RIMS1: variants seen among roughly 807,000 people sequenced by gnomAD.
The protein encoded by RIMS1 is regulating synaptic membrane exocytosis 1.
RIMS1 carries 83 observed loss-of-function variants against 214.1 expected under a neutral mutation model. The ratio of observed to expected loss-of-function variants is 0.39; its 90% CI spans 0.32 to 0.47. The LOEUF is 0.47. Among genes scored for constraint, RIMS1 ranks in the 20% least tolerant of loss-of-function variants. The pLI, the probability that RIMS1 is intolerant of heterozygous loss-of-function variation, is 0.99. For missense variants in RIMS1, 2,050 were observed against 2,161.8 expected, an observed-to-expected ratio of 0.95 and a Z score of 1.03; for synonymous variants, 793 against 786.8, an observed-to-expected ratio of 1.01 and a Z score of -0.13.
Position 72,223,947 on chromosome 6 carries a change from CA to C in RIMS1, c.1679-9808del, listed in dbSNP as rs34645921. 1.6e-3 allele frequency among the ~76,000 whole-genome samples: 165 copies of C among 105,928 alleles called. 1 individual carries two copies. Among genetic ancestry groups the C allele is most frequent in the Middle Eastern group, 4.5e-3 (1 of 222 alleles). 69.5% of individuals were successfully genotyped at this position (105,928 alleles called of 152,430 possible). ...TGGGTGACAGAGCGAGACTCCGTCT[CA>C]AAAAAAAAAAAAAAAAAGCCAGTTG... On this transcript the variant is annotated intron_variant, in intron 6 of 33. Coordinates refer to ENST00000521978, the MANE Select transcript of RIMS1 (RefSeq NM_014989.7).
intron 11 of RIMS1, among the ~76,000 whole-genome samples, chr6:72,246,918 C>T (rs918859393): frequency 3.9e-5 from 6 of 152,098 alleles, no homozygotes; most frequent in Admixed American, 3.9e-4. Context: ...TTTTATATAG[C>T]TGTTTTTTAT....
intron 1 of RIMS1, among the ~76,000 whole-genome samples, chr6:71,938,637 C>A (rs4707956): frequency 0.27 from 41,726 of 151,962 alleles, 6,004 homozygotes; most frequent in East Asian, 0.45. Flanking sequence ...GGAGCAGAAA[C>A]CTGAGGTGGC....
intron 24 of RIMS1, among the ~76,000 whole-genome samples, chr6:72,289,373 G>A (rs1343192992): frequency 6.6e-6 from 1 of 152,118 alleles, no homozygotes. Flanking sequence ...ATGTAGTTGA[G>A]TTAATGTGAA....
intron 16 of RIMS1, among the ~76,000 whole-genome samples, chr6:72,255,017 GA>G (rs1317115113): frequency 1.1e-5 from 1 of 89,792 alleles, no homozygotes; most frequent in African/African-American, 3.8e-5. Context: ...ATGTTTCAAA[GA>G]TCTCCTCATA....
intron 26 of RIMS1, among the ~76,000 whole-genome samples, chr6:72,300,142 T>C (rs1477802177): frequency 6.6e-6 from 1 of 151,770 alleles, no homozygotes; most frequent in Non-Finnish European, 1.5e-5. Context: ...AACTTCAGGA[T>C]CCCAGAGGGT....
chr6:72,196,106 A>G (rs889301233), intron 6 of RIMS1, among the ~76,000 whole-genome samples: 9 of 152,116 alleles, frequency 5.9e-5, no homozygotes, highest in African/African-American at 1.9e-4. Flanking sequence ...AAGCCTAACC[A>G]TATCAAGAAG....
intron 4 of RIMS1, among the ~76,000 whole-genome samples, chr6:72,112,850 C>T (rs2036382584): frequency 6.6e-6 from 1 of 152,144 alleles, no homozygotes; most frequent in Non-Finnish European, 1.5e-5. Flanking sequence ...AAAAGGGGGA[C>T]TTTAACTTTG....
At chr6:72,245,451 G>A (rs2069017634) in intron 10 of RIMS1, among the ~76,000 whole-genome samples, 1 of 151,940 alleles carries the variant, frequency 6.6e-6, no homozygotes, top group East Asian at 1.9e-4. Context: ...TATTACTGAT[G>A]TGTAAAATTT....
At chr6:72,325,234 A>G (rs1159294037) in intron 28 of RIMS1, among the ~76,000 whole-genome samples, 1 of 151,840 alleles carries the variant, frequency 6.6e-6, no homozygotes, top group East Asian at 1.9e-4. Context: ...TCTCTCATTA[A>G]AATAGAGAGA....
intron 1 of RIMS1, among the ~76,000 whole-genome samples, chr6:71,938,216 G>T (rs1300820121): frequency 1.3e-5 from 2 of 152,168 alleles, no homozygotes; most frequent in Non-Finnish European, 2.9e-5. Flanking sequence ...CACACTGAGG[G>T]GGTAGGTTGG....
intron 29 of RIMS1, among the ~76,000 whole-genome samples, chr6:72,382,842 C>T (rs2098515664): frequency 6.6e-6 from 1 of 152,222 alleles, no homozygotes; most frequent in African/African-American, 2.4e-5. Context: ...TCCTCTACCT[C>T]TACACAGAGT....
intron 6 of RIMS1, among the ~76,000 whole-genome samples, chr6:72,205,176 A>G (rs1401586178): frequency 3.3e-5 from 5 of 152,176 alleles, no homozygotes; most frequent in African/African-American, 9.6e-5. Context: ...ACCATTAGAC[A>G]TTAATTTAGT....
chr6:71,898,386 T>G (rs908614908), intron 1 of RIMS1, among the ~76,000 whole-genome samples: 2 of 152,188 alleles, frequency 1.3e-5, no homozygotes, highest in African/African-American at 4.8e-5. Context: ...TTAAAATCCT[T>G]GAAGGAAGGT....
At chr6:72,361,792 TC>T (rs1356378509) in intron 29 of RIMS1, among the ~76,000 whole-genome samples, 4 of 152,180 alleles carry the variant, frequency 2.6e-5, no homozygotes, top group Admixed American at 2.0e-4. Context: ...GCCTCCCTCT[TC>T]CTCTTATAAA....
intron 2 of RIMS1, among the ~76,000 whole-genome samples, chr6:72,078,389 A>G (rs1332703265): frequency 1.3e-5 from 2 of 151,378 alleles, no homozygotes; most frequent in East Asian, 2.0e-4. Flanking sequence ...AGCTCTCCCT[A>G]TTTCTCTCTC....
chr6:72,180,650 T>C (rs1341905718), intron 5 of RIMS1, among the ~76,000 whole-genome samples: 2 of 152,258 alleles, frequency 1.3e-5, no homozygotes, highest in African/African-American at 2.4e-5. Flanking sequence ...CATGAAGCTA[T>C]GCACTGGGAA....
At chr6:72,016,295 A>G (rs1249215361) in intron 2 of RIMS1, among the ~76,000 whole-genome samples, 1 of 151,590 alleles carries the variant, frequency 6.6e-6, no homozygotes, top group Non-Finnish European at 1.5e-5. Context: ...TCAGGGTAGT[A>G]TTGTTTTTTA....
chr6:72,150,509 G>T (rs2043399750), intron 4 of RIMS1, among the ~76,000 whole-genome samples: 1 of 152,132 alleles, frequency 6.6e-6, no homozygotes, highest in Non-Finnish European at 1.5e-5. Context: ...GGGTTGTGAA[G>T]ACTTTTTCTC....
At chr6:72,400,394 T>G (rs2098827237) in intron 33 of RIMS1, 102 bp from the exon 34 acceptor site, 2 of 890,516 alleles carry the variant, frequency 2.2e-6, no homozygotes, top group African/African-American at 3.3e-5. Context: ...TCTTTTCCTC[T>G]GCTTCACTGA....
Sources: allele counts gnomAD v4.1 joint callset (sites outside exome capture counted in the v4.1 genomes callset), GRCh38; gene constraint gnomAD v4.1.1; transcripts MANE v1.5; gene names NCBI Gene and HGNC (gene_info 2026-07-23, HGNC 2026-07-21).